ABLIM2: variants seen among roughly 807,000 people sequenced by gnomAD.
The protein encoded by ABLIM2 is actin binding LIM protein family member 2.
A neutral mutation model predicts 97.7 loss-of-function variants in ABLIM2; 53 were observed. The observed-to-expected ratio is 0.54, with a 90% confidence interval of 0.44 to 0.68. ABLIM2 has a LOEUF of 0.68. Ranked by LOEUF, ABLIM2 falls within the 30% of genes least tolerant of loss-of-function variation. The pLI is 0.00. For missense variants in ABLIM2, 835 were observed against 867.2 expected, an observed-to-expected ratio of 0.96 and a Z score of 0.47; for synonymous variants, 361 against 345.8, an observed-to-expected ratio of 1.04 and a Z score of -0.49.
intron 9 of ABLIM2, among the ~76,000 whole-genome samples, chr4:8,036,845 A>C (rs1029135672): frequency 6.6e-6 from 1 of 152,150 alleles, no homozygotes; most frequent in Non-Finnish European, 1.5e-5. Flanking sequence ...GCACACATGC[A>C]AACACACACA....
chr4:8,091,164 C>A (rs1827134643), intron 3 of ABLIM2, among the ~76,000 whole-genome samples: 2 of 147,786 alleles, frequency 1.4e-5, no homozygotes, highest in South Asian at 4.2e-4. Flanking sequence ...CAGTTTTAGT[C>A]GTTCTCATGG....
chr4:8,042,255 A>C (rs1247422178), intron 9 of ABLIM2, among the ~76,000 whole-genome samples: 1 of 152,162 alleles, frequency 6.6e-6, no homozygotes, highest in Non-Finnish European at 1.5e-5. Context: ...CGGGTCATAG[A>C]AACTAGAAGT....
Position 8,140,410 on chromosome 4 carries a change from G to A in ABLIM2, c.10+18270C>T, listed in dbSNP as rs1423381179. 1.3e-5 allele frequency among the ~76,000 whole-genome samples: 2 copies of A among 152,130 alleles called. No homozygotes were observed. Among genetic ancestry groups the A allele is most frequent in the Non-Finnish European group, 2.9e-5 (2 of 68,020 alleles). On this transcript the variant is annotated intron_variant, in intron 1 of 20. Coordinates refer to ENST00000447017, the MANE Select transcript of ABLIM2 (RefSeq NM_001130083.2). This position sits in a 1 kb window ranked among gnomAD's most constrained non-coding sequence, Gnocchi z 5.9. ...AGCCATGGCAGGGGATTTCATGCCA[G>A]GCAGGAACTTCGTGAAACAGTGCCA...
intron 1 of ABLIM2, among the ~76,000 whole-genome samples, chr4:8,152,492 C>T (rs528221633): frequency 5.3e-5 from 8 of 152,380 alleles, no homozygotes; most frequent in South Asian, 2.1e-4. Context: ...GCAGTCTCTG[C>T]GACATTTAAG....
At chr4:8,144,024 C>A (rs1851416450) in intron 1 of ABLIM2, among the ~76,000 whole-genome samples, 3 of 152,194 alleles carry the variant, frequency 2.0e-5, no homozygotes, top group Admixed American at 2.0e-4. Context: ...CTGAAAGCTG[C>A]CCCTTGGGGA....
Position 8,148,628 on chromosome 4 carries a change from G to C in ABLIM2, c.10+10052C>G, listed in dbSNP as rs79029982. 0.02 allele frequency among the ~76,000 whole-genome samples: 2,939 copies of C among 144,392 alleles called. 93 individuals carry two copies. Among genetic ancestry groups the C allele is most frequent in the African/African-American group, 0.072 (2,779 of 38,394 alleles). 94.7% of individuals were successfully genotyped at this position (144,392 alleles called of 152,430 possible). A position where few individuals can be genotyped will look rare whatever the true frequency, so the allele number is the denominator to read the frequency against. On this transcript the variant is annotated intron_variant, in intron 1 of 20. Coordinates refer to ENST00000447017, the MANE Select transcript of ABLIM2 (RefSeq NM_001130083.2). This position sits in a 1 kb window ranked among gnomAD's most constrained non-coding sequence, Gnocchi z 6.7. ...GCGGTGCTGGGTCCACACTGGGGAA[G>C]CGCGTAAGCCGTTCCCCCGTGGGCA...
At chr4:8,142,339 G>T (rs1390291217) in intron 1 of ABLIM2, among the ~76,000 whole-genome samples, 8 of 152,044 alleles carry the variant, frequency 5.3e-5, no homozygotes, top group Non-Finnish European at 1.5e-5. Context: ...TCACCTCACT[G>T]CCCCAACATC....
At chr4:8,024,531 T>C (rs1776108104) in intron 12 of ABLIM2, among the ~76,000 whole-genome samples, 1 of 152,018 alleles carries the variant, frequency 6.6e-6, no homozygotes, top group African/African-American at 2.4e-5. Context: ...AGGAAGGGCT[T>C]TCCCAGAGGG....
In ABLIM2 at chr4:8,048,437, C is replaced by T. The variant is rs994783131; in HGVS notation, c.823-3196G>A. Among the ~76,000 whole-genome samples, 8 of 152,270 alleles carry T rather than the reference C, an allele frequency of 5.3e-5. No homozygotes were observed. In the South Asian group the frequency reaches 1.7e-3, roughly 32 times the overall value. ...CTTCAACAGTCACTGGGGAGGCCTG[C>T]CATTACGGTCACATGGTCTGACCCC... On this transcript the variant is annotated intron_variant, in intron 8 of 20. Coordinates refer to ENST00000447017, the MANE Select transcript of ABLIM2 (RefSeq NM_001130083.2).
chr4:8,147,075 C>T lies in ABLIM2; in HGVS notation c.10+11605G>A, dbSNP rs1851920541. ...ATTTCTGAAATTCATGTCTGTGTTT[C>T]AGAGGCTTTCTTCAGAAGAGATTCC... On this transcript the variant is annotated intron_variant, in intron 1 of 20. Coordinates refer to ENST00000447017, the MANE Select transcript of ABLIM2 (RefSeq NM_001130083.2). The surrounding 1 kb of genome is among the most constrained non-coding windows in gnomAD (Gnocchi z 5.3). Among the ~76,000 whole-genome samples, 1 of 152,168 alleles carries T rather than the reference C, an allele frequency of 6.6e-6. No individual in the cohort carries two copies. Among genetic ancestry groups the T allele is most frequent in the South Asian group, 2.1e-4 (1 of 4,830 alleles).
At chr4:8,074,003 C>T (rs112069985) in intron 6 of ABLIM2, among the ~76,000 whole-genome samples, 5 of 141,648 alleles carry the variant, frequency 3.5e-5, no homozygotes, top group African/African-American at 1.3e-4. Flanking sequence ...AGGAGAATGG[C>T]TTGAACCCAG....
In ABLIM2 at chr4:8,083,489, C is replaced by T. The variant is rs957054994; in HGVS notation, c.455-2687G>A. 2.6e-5 allele frequency among the ~76,000 whole-genome samples: 4 copies of T among 152,178 alleles called. No homozygotes were observed. Among genetic ancestry groups the T allele is most frequent in the African/African-American group, 9.7e-5 (4 of 41,448 alleles). The stretch of plus-strand genomic sequence containing the variant: ...CATATTGGCCGGCGCCCTCCCCTGC[C>T]AAGAAGCTCCCTTGACCTTGAGCTC... On this transcript the variant is annotated intron_variant, in intron 4 of 20. Coordinates refer to ENST00000447017, the MANE Select transcript of ABLIM2 (RefSeq NM_001130083.2). The surrounding 1 kb of genome is among the most constrained non-coding windows in gnomAD (Gnocchi z 4.6).
At chr4:8,056,512 G>T (rs1436049919) in intron 7 of ABLIM2, among the ~76,000 whole-genome samples, 5 of 151,770 alleles carry the variant, frequency 3.3e-5, no homozygotes, top group African/African-American at 1.2e-4. Context: ...TATTGACTAG[G>T]CTGGTCTCAA....
At position 8,058,379 on chromosome 4, in the gene ABLIM2, G is replaced by C. The variant is rs1800685558; in HGVS notation, c.763+2588C>G. 6.6e-6 allele frequency among the ~76,000 whole-genome samples: 1 copy of C among 152,214 alleles called. No individual in the cohort carries two copies. Among genetic ancestry groups the C allele is most frequent in the South Asian group, 2.1e-4 (1 of 4,834 alleles). ...GGTTCGGCCTGAGAAAGGCAGGCCT[G>C]TGTGATCCACGGCCCTGTGACAATG... On this transcript the variant is annotated intron_variant, in intron 7 of 20. Transcript: ENST00000447017. This position sits in a 1 kb window ranked among gnomAD's most constrained non-coding sequence, Gnocchi z 4.2.
At chr4:7,995,841 C>T (rs1752938224) in intron 16 of ABLIM2, among the ~76,000 whole-genome samples, 2 of 152,270 alleles carry the variant, frequency 1.3e-5, no homozygotes, top group South Asian at 4.1e-4. Flanking sequence ...CTATTCCTCC[C>T]CCTCCCAGCC....
chr4:8,029,853 C>A, intron 10 of ABLIM2, 77 bp from the exon 11 acceptor site: 1 of 1,509,544 alleles, frequency 6.6e-7, no homozygotes, highest in Non-Finnish European at 8.9e-7. Context: ...CCCCCGACAC[C>A]ATTTGGTGTT....
rs925700021 is a variant in ABLIM2 at position 8,083,075 on chromosome 4, G to A, written c.455-2273C>T. Among the ~76,000 whole-genome samples, 6 of 152,160 alleles carry A rather than the reference G, an allele frequency of 3.9e-5. No homozygotes were observed. Among genetic ancestry groups the A allele is most frequent in the Non-Finnish European group, 7.4e-5 (5 of 68,026 alleles). On this transcript the variant is annotated intron_variant, in intron 4 of 20. Coordinates refer to ENST00000447017, the MANE Select transcript of ABLIM2 (RefSeq NM_001130083.2). This position sits in a 1 kb window ranked among gnomAD's most constrained non-coding sequence, Gnocchi z 4.6. The stretch of plus-strand genomic sequence containing the variant: ...GGACACAGGATGCTAACCGTGCCAG[G>A]ACAGCCGCCCTCAACAGGGCTCTCT...
Position 8,044,457 on chromosome 4 carries a change from A to G in ABLIM2, c.900+707T>C, listed in dbSNP as rs903772318. On this transcript the variant is annotated intron_variant, in intron 9 of 20. Transcript: ENST00000447017. The surrounding 1 kb of genome is among the most constrained non-coding windows in gnomAD (Gnocchi z 4.4). ...TATTAAATATTAAATTTACATATAC[A>G]TATGTATATGTATGTATACATATAT... Among the ~76,000 whole-genome samples the G allele has an allele frequency of 6.6e-6, 1 of 151,806 alleles. No homozygotes were observed. Among genetic ancestry groups the G allele is most frequent in the East Asian group, 1.9e-4 (1 of 5,190 alleles).
rs2152414371 is a variant in ABLIM2 at position 8,077,649 on chromosome 4, G to A, written c.654C>T (p.Tyr218=). Residue 218 remains tyrosine (Y), a synonymous_variant, in exon 6 of 21, where the codon TAC becomes TAT. Coordinates refer to ENST00000447017, the MANE Select transcript of ABLIM2 (RefSeq NM_001130083.2). The part of the protein sequence containing the change: ...FGIRCDSCEK[Y]ITGRVLEAGE... Reference sequence around the variant, plus strand: ...TTACCTCCAGCACGCGCCCCGTGATGTATTTCTCACAGCTGTCACAGCGGA... The same window carrying A: ...TTACCTCCAGCACGCGCCCCGTGATATATTTCTCACAGCTGTCACAGCGGA... The A allele has an allele frequency of 2.5e-6, 4 of 1,612,306 alleles. No individual in the cohort carries two copies. The highest frequency in any genetic ancestry group is 3.4e-6 in the Non-Finnish European group (4 of 1,179,164).
Sources: gnomAD v4.1 joint callset for allele counts (sites outside exome capture counted in the v4.1 genomes callset) on GRCh38, gnomAD v4.1.1 for gene constraint, Gnocchi (gnomAD v3.1) non-coding constraint, MANE v1.5 for transcripts, NCBI Gene and HGNC (gene_info 2026-07-23, HGNC 2026-07-21) for gene names.